Variants in EDA observed in about 807,000 individuals in gnomAD.
EDA encodes the protein ectodysplasin A.
A neutral mutation model predicts 23.6 loss-of-function variants in EDA; 2 were observed. That is an observed-to-expected ratio of 0.08 (90% CI 0.03 to 0.27). The LOEUF is 0.27. Among genes scored for constraint, EDA ranks in the 10% least tolerant of loss-of-function variants. The probability of loss-of-function intolerance (pLI) is 1.00; values close to 1 mark genes in which losing one functional copy is unlikely to be tolerated. For missense variants in EDA, 229 were observed against 324.2 expected (o/e 0.71, Z 2.26); for synonymous variants, 131 against 132.0 (o/e 0.99, Z 0.05).
At chrX:69,705,456 A>G (rs2011681024) in intron 1 of EDA, among the ~76,000 whole-genome samples, 3 of 110,951 alleles carry the variant, frequency 2.7e-5, no homozygotes, top group African/African-American at 9.8e-5. Flanking sequence ...TTTCCCTAAC[A>G]CCATTTACTC....
intron 1 of EDA, among the ~76,000 whole-genome samples, chrX:69,735,193 C>T (rs1394733803): frequency 1.7e-5 from 1 of 59,899 alleles, no homozygotes; most frequent in African/African-American, 4.2e-5. Flanking sequence ...CATACACATA[C>T]AACAGAATAT....
At chrX:69,977,695 G>A (rs763329988) in intron 2 of EDA, among the ~76,000 whole-genome samples, 3 of 111,719 alleles carry the variant, frequency 2.7e-5, no homozygotes, top group Non-Finnish European at 5.7e-5. Context: ...CACATTTTTA[G>A]TTTGCTTTTG....
In EDA at chrX:69,991,224, C is replaced by T. The variant is rs185061772; in HGVS notation, c.503-31994C>T. 7.7e-4 allele frequency among the ~76,000 whole-genome samples: 85 copies of T among 111,054 alleles called. 1 individual carries two copies. Among genetic ancestry groups the T allele is most frequent in the African/African-American group, 2.6e-3 (78 of 30,539 alleles). On this transcript the variant is annotated intron_variant, in intron 2 of 7. Transcript: ENST00000374552. ...ATTACTCCTGGTTCTCATTATGATG[C>T]GTGATTTTTTTATTGTATTCTGGAC...
chrX:69,829,817 A>C (rs1283928766), intron 1 of EDA, among the ~76,000 whole-genome samples: 1 of 112,035 alleles, frequency 8.9e-6, no homozygotes, highest in East Asian at 2.8e-4. Flanking sequence ...CCTAGCTTTA[A>C]TGATTTTTTA....
intron 2 of EDA, among the ~76,000 whole-genome samples, chrX:70,008,512 T>C (rs1204237077): frequency 8.9e-6 from 1 of 111,795 alleles, no homozygotes; most frequent in Non-Finnish European, 1.9e-5. Flanking sequence ...TTGTGGTATA[T>C]AATTATTTTA....
chrX:69,670,176 G>T, intron 1 of EDA: 1 of 297,163 alleles, frequency 3.4e-6, no homozygotes, highest in Non-Finnish European at 5.6e-6. Context: ...AGTATTCTTG[G>T]CTGACTGTTT....
At chrX:69,754,158 C>G (rs2014010726) in intron 1 of EDA, among the ~76,000 whole-genome samples, 1 of 112,014 alleles carries the variant, frequency 8.9e-6, no homozygotes, top group African/African-American at 3.3e-5. Context: ...CACTTTCTTC[C>G]TAGCATTGAT....
intron 1 of EDA, among the ~76,000 whole-genome samples, chrX:69,939,719 G>T (rs1037779541): frequency 3.6e-5 from 4 of 111,005 alleles, no homozygotes; most frequent in African/African-American, 1.3e-4. Flanking sequence ...ACTAACTGTG[G>T]GTCTGTTATA....
chrX:69,914,611 T>C (rs1179408806), intron 1 of EDA, among the ~76,000 whole-genome samples: 1 of 111,721 alleles, frequency 9.0e-6, no homozygotes, highest in African/African-American at 3.3e-5. Context: ...TTATCATTTC[T>C]TTGTGTTGGG....
intron 1 of EDA, among the ~76,000 whole-genome samples, chrX:69,910,374 A>AGTGTGT (rs4007733): frequency 4.1e-4 from 17 of 41,748 alleles, no homozygotes; most frequent in South Asian, 3.0e-3. Flanking sequence ...AGAGAGAGAG[A>AGTGTGT]GTGTGTGTGT....
At chrX:69,766,639 T>C (rs968002342) in intron 1 of EDA, among the ~76,000 whole-genome samples, 10 of 112,390 alleles carry the variant, frequency 8.9e-5, no homozygotes, top group Non-Finnish European at 1.7e-4. Flanking sequence ...CTTTCATGGC[T>C]GCATAGTATT....
chrX:69,938,147 C>T, intron 1 of EDA: 1 of 661,121 alleles, frequency 1.5e-6, no homozygotes, highest in Admixed American at 3.5e-5. Flanking sequence ...CCTCCTCCCC[C>T]TGGCCATAGA....
At chrX:70,016,329 G>T (rs2019949212) in intron 2 of EDA, among the ~76,000 whole-genome samples, 1 of 110,604 alleles carries the variant, frequency 9.0e-6, no homozygotes. Context: ...CATTGAGGCA[G>T]AAAACTAATA....
intron 1 of EDA, among the ~76,000 whole-genome samples, chrX:69,880,006 T>C (rs754907278): frequency 8.0e-5 from 9 of 112,550 alleles, no homozygotes; most frequent in Non-Finnish European, 1.7e-4. Flanking sequence ...ATCACTTTAT[T>C]GTTATTTTAG....
chrX:69,709,147 T>C (rs908526227), intron 1 of EDA, among the ~76,000 whole-genome samples: 4 of 112,075 alleles, frequency 3.6e-5, no homozygotes, highest in Non-Finnish European at 5.6e-5. Flanking sequence ...TAATTGTAAG[T>C]TTGGACCTTT....
intron 2 of EDA, among the ~76,000 whole-genome samples, chrX:70,021,009 T>C (rs2020026292): frequency 8.9e-6 from 1 of 112,268 alleles, no homozygotes; most frequent in African/African-American, 3.2e-5. Context: ...GTAGGTATAT[T>C]TTGTATGAAA....
intron 1 of EDA, among the ~76,000 whole-genome samples, chrX:69,943,170 A>T (rs1207124704): frequency 9.0e-6 from 1 of 111,241 alleles, no homozygotes; most frequent in African/African-American, 3.3e-5. Flanking sequence ...CACATATCTC[A>T]TTTTCTCCAG....
intron 1 of EDA, among the ~76,000 whole-genome samples, chrX:69,790,710 C>T (rs1467145537): frequency 1.8e-5 from 2 of 111,374 alleles, no homozygotes; most frequent in Non-Finnish European, 3.8e-5. Context: ...CTTCTTGGAG[C>T]AAGTAGAGCA....
At chrX:70,003,549 A>T (rs1222216710) in intron 2 of EDA, among the ~76,000 whole-genome samples, 1 of 111,992 alleles carries the variant, frequency 8.9e-6, no homozygotes, top group East Asian at 2.8e-4. Flanking sequence ...CCAAGGTTAC[A>T]TAGCTATTGA....
Sources: allele counts gnomAD v4.1 joint callset (sites outside exome capture counted in the v4.1 genomes callset), GRCh38; gene constraint gnomAD v4.1.1; transcripts MANE v1.5; gene names NCBI Gene and HGNC (gene_info 2026-07-23, HGNC 2026-07-21).